The following CHD8 variants were observed in gnomAD, a reference collection of about 807,000 sequenced individuals.
CHD8 encodes the protein chromodomain helicase DNA binding protein 8.
A neutral mutation model predicts 279.2 loss-of-function variants in CHD8; 31 were observed. The ratio of observed to expected loss-of-function variants is 0.11; its 90% CI spans 0.08 to 0.15. The LOEUF (loss-of-function observed/expected upper bound fraction) is 0.15. Ranked by LOEUF, CHD8 falls within the 10% of genes least tolerant of loss-of-function variation. The pLI is 1.00. For synonymous variants in CHD8, 1,081 were observed against 1,139.6 expected, an observed-to-expected ratio of 0.95 and a Z score of 1.04; for missense variants, 2,146 against 3,230.5, an observed-to-expected ratio of 0.66 and a Z score of 8.14.
intron 37 of CHD8, among the ~76,000 whole-genome samples, chr14:21,386,810 G>C (rs1333638865): frequency 1.3e-5 from 2 of 149,350 alleles, no homozygotes; most frequent in Non-Finnish European, 3.0e-5. Flanking sequence ...CTGCACTCCA[G>C]CCTGAGCGAC....
intron 5 of CHD8, among the ~76,000 whole-genome samples, chr14:21,417,031 T>C (rs1037310965): frequency 2.0e-5 from 3 of 151,966 alleles, no homozygotes; most frequent in African/African-American, 7.2e-5. Flanking sequence ...ACCCGGGGGG[T>C]GGAGGTTGCA....
intron 9 of CHD8, 89 bp downstream of exon 9, chr14:21,414,212 A>C (rs1888625049): frequency 1.4e-6 from 1 of 725,126 alleles, no homozygotes; most frequent in African/African-American, 1.8e-5. Context: ...AACCAATTAC[A>C]AGTATTTTGA....
chr14:21,396,434 G>A (rs1014702927), intron 27 of CHD8, among the ~76,000 whole-genome samples: 5 of 142,448 alleles, frequency 3.5e-5, no homozygotes, highest in African/African-American at 1.3e-4. Flanking sequence ...AGCCTCCTGA[G>A]TAGCTGGGAT....
chr14:21,435,136 A>T (rs1015997039), intron 1 of CHD8, among the ~76,000 whole-genome samples: 1 of 152,250 alleles, frequency 6.6e-6, no homozygotes, highest in Non-Finnish European at 1.5e-5. Context: ...GACAAAACTT[A>T]GTGGTTGTAC....
intron 26 of CHD8, 187 bp from the exon 27 acceptor site, chr14:21,398,139 A>T (rs1887868780): frequency 4.4e-6 from 2 of 459,198 alleles, no homozygotes; most frequent in Admixed American, 7.9e-5. Flanking sequence ...ATTTAGAATC[A>T]TGAAGAGTTT....
Position 21,408,939 on chromosome 14 carries a change from CAT to C in CHD8, c.2365-116_2365-115del. 2 of 1,077,106 alleles carry C rather than the reference CAT, an allele frequency of 1.9e-6. No homozygotes were observed. The highest frequency in any genetic ancestry group is 1.7e-5 in the South Asian group (1 of 60,598). The allele number at this position is 1,077,106 out of a possible 1,614,324, so 66.7% of individuals were successfully genotyped here. A position where few individuals can be genotyped will look rare whatever the true frequency, so the allele number is the denominator to read the frequency against. Reference sequence around the variant, plus strand: ...CAAAACAACATTGTTTGGATTAAAACATGTCAAATATATTTAAATTTATGAGT... The same window carrying C: ...CAAAACAACATTGTTTGGATTAAAACGTCAAATATATTTAAATTTATGAGT... On this transcript the variant is annotated intron_variant, in intron 11 of 37. Coordinates refer to ENST00000646647, the MANE Select transcript of CHD8 (RefSeq NM_001170629.2). This position sits in a 1 kb window ranked among gnomAD's most constrained non-coding sequence, Gnocchi z 4.3.
chr14:21,420,033 G>C (rs974022294), intron 5 of CHD8: 41 of 161,720 alleles, frequency 2.5e-4, no homozygotes, highest in Non-Finnish European at 1.1e-4. Context: ...CACCAGCTAG[G>C]CCTTATGAAA....
chr14:21,411,845 T>C (rs1306898871), intron 10 of CHD8, among the ~76,000 whole-genome samples: 11 of 152,088 alleles, frequency 7.2e-5, no homozygotes, highest in Admixed American at 7.2e-4. Flanking sequence ...GGGAGATCAC[T>C]TGAGGTCAGG....
chr14:21,424,557 GCT>G (rs1889217017), intron 5 of CHD8, among the ~76,000 whole-genome samples: 1 of 152,032 alleles, frequency 6.6e-6, no homozygotes, highest in South Asian at 2.1e-4. Context: ...TGCAAGCTCT[GCT>G]TCTAGGGTTC....
chr14:21,441,118 G>C (rs1255323155), intron 1 of CHD8, among the ~76,000 whole-genome samples: 2 of 152,170 alleles, frequency 1.3e-5, no homozygotes, highest in African/African-American at 2.4e-5. Flanking sequence ...GGGAAGTCTT[G>C]ACTTTGCAGG....
At chr14:21,422,485 TTTTG>T (rs1404861659) in intron 5 of CHD8, among the ~76,000 whole-genome samples, 2 of 152,250 alleles carry the variant, frequency 1.3e-5, no homozygotes, top group Admixed American at 6.5e-5. Flanking sequence ...CCTTCATTTT[TTTTG>T]TTTAACAAAT....
chr14:21,398,981 G>A lies in CHD8; in HGVS notation c.4921+621C>T, dbSNP rs144236361. On this transcript the variant is annotated intron_variant, in intron 26 of 37. Transcript: ENST00000646647. ...AAACCATCACCCTTGAGGTCCAGCC[G>A]AGTGACACCAGTGAAAATGTCAAAG... is the stretch of plus-strand genomic sequence containing the variant. The A allele has an allele frequency of 7.8e-4, 331 of 421,710 alleles. 2 individuals carry two copies. Among genetic ancestry groups the A allele is most frequent in the African/African-American group, 5.5e-3 (266 of 48,122 alleles). The allele number at this position is 421,710 out of a possible 1,614,324, so 26.1% of individuals were successfully genotyped here. A position where few individuals can be genotyped will look rare whatever the true frequency, so the allele number is the denominator to read the frequency against.
chr14:21,400,835 T>C lies in CHD8; in HGVS notation c.4370+40A>G, dbSNP rs779327521. Reference sequence around the variant, plus strand: ...CCAAGAGTATCTATCAGGATGGAGATGCACTATGCACTACCTCTAATGGTA... The same window carrying C: ...CCAAGAGTATCTATCAGGATGGAGACGCACTATGCACTACCTCTAATGGTA... On this transcript the variant is annotated intron_variant, in intron 22 of 37. Coordinates refer to ENST00000646647, the MANE Select transcript of CHD8 (RefSeq NM_001170629.2). This position sits in a 1 kb window ranked among gnomAD's most constrained non-coding sequence, Gnocchi z 4.2. 8.5e-6 allele frequency: 13 copies of C among 1,528,532 alleles called. No individual in the cohort carries two copies. In the South Asian group the frequency reaches 1.4e-4, roughly 16 times the overall value. The allele number at this position is 1,528,532 out of a possible 1,614,324, so 94.7% of individuals were successfully genotyped here. A position where few individuals can be genotyped will look rare whatever the true frequency, so the allele number is the denominator to read the frequency against.
intron 25 of CHD8, 51 bp from the exon 26 acceptor site, chr14:21,399,756 G>A (rs1293817434): frequency 9.4e-6 from 12 of 1,275,226 alleles, no homozygotes; most frequent in Non-Finnish European, 1.3e-5. Context: ...AAATTAAAGT[G>A]AGAATCCTTG....
At chr14:21,430,750 G>T (rs1038231099) in intron 2 of CHD8, 51 bp downstream of exon 2, 2 of 1,150,538 alleles carry the variant, frequency 1.7e-6, no homozygotes, top group East Asian at 2.4e-5. Flanking sequence ...TCAAAGAGTT[G>T]CTGGGCCCTC....
intron 5 of CHD8, among the ~76,000 whole-genome samples, chr14:21,417,974 A>G (rs1888819571): frequency 6.6e-6 from 1 of 151,188 alleles, no homozygotes; most frequent in Admixed American, 6.6e-5. Context: ...TGTATCAACC[A>G]GAACTCTACT....
intron 1 of CHD8, among the ~76,000 whole-genome samples, chr14:21,438,586 G>A (rs1889877890): frequency 6.6e-6 from 1 of 150,950 alleles, no homozygotes; most frequent in Admixed American, 6.6e-5. Flanking sequence ...TGTAATCCCA[G>A]CACTTTGGGA....
At position 21,409,851 on chromosome 14, in the gene CHD8, C is replaced by T. The variant is rs769858757; in HGVS notation, c.2364G>A (p.Val788=). Reference sequence around the variant, plus strand: ...TATACTTTAATGCAAATGTACTTACCACCCTTTTGAGTTCTGGGTGCCTTG... The same window carrying T: ...TATACTTTAATGCAAATGTACTTACTACCCTTTTGAGTTCTGGGTGCCTTG... ...IQSRHPELKR[V]NRPQASAWKK... Residue 788 remains valine, a splice_region_variant and synonymous_variant, in exon 11 of 38, where the codon GTG becomes GTA. Transcript: ENST00000646647. The T allele has an allele frequency of 2.5e-6, 4 of 1,612,506 alleles. No homozygotes were observed. In the African/African-American group the frequency reaches 4.0e-5, roughly 16 times the overall value.
chr14:21,393,290 T>A lies in CHD8; in HGVS notation c.6320-36A>T, dbSNP rs377592592. 3.1e-6 allele frequency: 5 copies of A among 1,611,764 alleles called. No homozygotes were observed. In the African/African-American group the frequency reaches 6.7e-5, roughly 22 times the overall value. ...AGCCCATAGAATGTGTGAGAAAAGA[T>A]GGAAGAATAATGTCATATGGTAATG... On this transcript the variant is annotated intron_variant, in intron 32 of 37. Transcript: ENST00000646647.
Sources: allele counts gnomAD v4.1 joint callset (sites outside exome capture counted in the v4.1 genomes callset), GRCh38; gene constraint gnomAD v4.1.1; non-coding constraint Gnocchi (gnomAD v3.1); transcripts MANE v1.5; gene names NCBI Gene and HGNC (gene_info 2026-07-23, HGNC 2026-07-21).